H2BC4: variants seen among roughly 807,000 people sequenced by gnomAD.
H2BC4 encodes histone H2B type 1-C/E/F/G/I.
H2BC4 carries 10 observed loss-of-function variants against 6.2 expected under a neutral mutation model. The ratio of observed to expected loss-of-function variants is 1.61; its 90% confidence interval spans 0.99 to 2.73. The LOEUF is 2.73. Ranked by LOEUF, H2BC4 falls within the 30% of genes most tolerant of loss-of-function variation. The pLI, the probability that H2BC4 is intolerant of heterozygous loss-of-function variation, is 0.00. For missense variants in H2BC4, 176 were observed against 168.7 expected (o/e 1.04, Z -0.24); for synonymous variants, 146 against 70.7 (o/e 2.07, Z -5.35).
intron 1 of H2BC4, among the ~76,000 whole-genome samples, chr6:26,115,557 T>C (rs1199547723): frequency 2.0e-5 from 3 of 152,154 alleles, no homozygotes; most frequent in Admixed American, 6.6e-5. Flanking sequence ...GAAAAAGACT[T>C]AGTGTTTTTC....
chr6:26,122,502 C>T (rs978804626), downstream of H2BC4, among the ~76,000 whole-genome samples: 1 of 152,054 alleles, frequency 6.6e-6, no homozygotes, highest in Non-Finnish European at 1.5e-5. Context: ...GTGGAATTTC[C>T]CAGGCCACAA....
At chr6:26,120,624 T>A (rs1763485498), downstream of H2BC4, among the ~76,000 whole-genome samples, 1 of 152,206 alleles carries the variant, frequency 6.6e-6, no homozygotes, top group Non-Finnish European at 1.5e-5. Context: ...GTGGCACCAC[T>A]GCTGAGAATA....
chr6:26,123,461 G>A, downstream of H2BC4: 2 of 1,592,166 alleles, frequency 1.3e-6, no homozygotes, highest in African/African-American at 1.4e-5. Context: ...TCTTTTAGTG[G>A]GTATCTGGGT....
Position 26,123,509 on chromosome 6 carries a change from G to A in H2BC4, c.*15C>T. The A allele has an allele frequency of 6.2e-7, 1 of 1,614,206 alleles. No individual in the cohort carries two copies. The highest frequency in any genetic ancestry group is 8.5e-7 in the Non-Finnish European group (1 of 1,180,028). ...AGCCTTTGGGGTTAGGTGTTAAGACGCTTACTTGGAATGTTTACTTGGAGC... is the reference window on the plus strand; with the variant it reads ...AGCCTTTGGGGTTAGGTGTTAAGACACTTACTTGGAATGTTTACTTGGAGC... On this transcript the variant is annotated 3_prime_UTR_variant, in exon 1 of 1. Transcript: ENST00000396984.
downstream of H2BC4, chr6:26,123,409 T>A: frequency 2.6e-6 from 4 of 1,519,632 alleles, no homozygotes; most frequent in Non-Finnish European, 3.5e-6. Context: ...TATATTCTAA[T>A]ACCCCTCCGC....
rs746163282 is a variant in H2BC4 at position 26,123,770 on chromosome 6, C to T, written c.135G>A (p.Val45=). 2 of 1,614,266 alleles carry T rather than the reference C, an allele frequency of 1.2e-6. No homozygotes were observed. Among genetic ancestry groups the T allele is most frequent in the Non-Finnish European group, 1.7e-6 (2 of 1,180,046 alleles). ...KESYSVYVYK[V]LKQVHPDTGI... Reference sequence around the variant, plus strand: ...CAGTGTCGGGATGGACCTGTTTCAGCACCTTGTACACGTACACAGAGTAAC... The same window carrying T: ...CAGTGTCGGGATGGACCTGTTTCAGTACCTTGTACACGTACACAGAGTAAC... The change falls in exon 1 of 1, where the codon GTG becomes GTA. Residue 45 remains valine (V), a synonymous_variant. Coordinates refer to ENST00000396984, the MANE Select transcript of H2BC4 (RefSeq NM_003526.3).
At chr6:26,114,341 T>A (rs901963239), downstream of H2BC4, among the ~76,000 whole-genome samples, 6 of 152,096 alleles carry the variant, frequency 3.9e-5, no homozygotes, top group Admixed American at 1.3e-4. Context: ...ACAAGAAACA[T>A]GGGAAGAATG....
chr6:26,114,940 T>G (rs1424561979), exon 2 of H2BC4: 1 of 152,146 alleles, frequency 6.6e-6, no homozygotes, highest in East Asian at 1.9e-4. Flanking sequence ...TGAAGAATAT[T>G]TTAATAGTTT....
chr6:26,123,062 A>G (rs1057267560), downstream of H2BC4, among the ~76,000 whole-genome samples: 5 of 152,166 alleles, frequency 3.3e-5, no homozygotes, highest in African/African-American at 1.2e-4. Context: ...CCGGTCCGCT[A>G]TGTAAATCAG....
At chr6:26,117,773 T>C (rs1269792726) in intron 1 of H2BC4, among the ~76,000 whole-genome samples, 1 of 152,208 alleles carries the variant, frequency 6.6e-6, no homozygotes, top group Non-Finnish European at 1.5e-5. Context: ...AGATGATTTA[T>C]AAAATAGAAA....
At chr6:26,117,967 G>A (rs1391788291) in intron 1 of H2BC4, among the ~76,000 whole-genome samples, 1 of 152,162 alleles carries the variant, frequency 6.6e-6, no homozygotes, top group Non-Finnish European at 1.5e-5. Flanking sequence ...TGGCTGTGCA[G>A]CACTATGGCT....
Position 26,123,920 on chromosome 6 carries a change from A to G in H2BC4, c.-16T>C, listed in dbSNP as rs374002450. ...GCTCAGGCATCTTAAAACACCAGAA[A>G]TGTGTCGAAAGTAAAGAGCGGATTT... On this transcript the variant is annotated 5_prime_UTR_variant, in exon 1 of 1. Transcript: ENST00000396984. 9.9e-6 allele frequency: 16 copies of G among 1,610,674 alleles called. No individual in the cohort carries two copies. Among genetic ancestry groups the G allele is most frequent in the East Asian group, 4.5e-5 (2 of 44,866 alleles).
downstream of H2BC4, among the ~76,000 whole-genome samples, chr6:26,120,070 A>T (rs1162638556): frequency 6.6e-6 from 1 of 152,164 alleles, no homozygotes; most frequent in Non-Finnish European, 1.5e-5. Context: ...AAATTGATGT[A>T]TTTTAAGTCT....
At position 26,123,620 on chromosome 6, in the gene H2BC4, G is replaced by T; in HGVS notation, c.285C>A (p.Ile95=). 5.6e-6 allele frequency: 9 copies of T among 1,614,270 alleles called. No individual in the cohort carries two copies. The highest frequency in any genetic ancestry group is 5.9e-6 in the Non-Finnish European group (7 of 1,180,050). The change falls in exon 1 of 1, where the codon ATC becomes ATA. Residue 95 remains isoleucine (I), a synonymous_variant. Transcript: ENST00000396984. ...NKRSTITSRE[I]QTAVRLLLPG... ...GAAGCAGCAGGCGCACGGCCGTCTG[G>T]ATCTCCCTGGAGGTGATGGTCGAGC...
At chr6:26,121,584 T>G (rs148523581), downstream of H2BC4, among the ~76,000 whole-genome samples, 42 of 152,126 alleles carry the variant, frequency 2.8e-4, no homozygotes, top group East Asian at 7.7e-3. Flanking sequence ...AATAGAATTA[T>G]TTCATCTAAC....
downstream of H2BC4, among the ~76,000 whole-genome samples, chr6:26,122,436 C>A (rs1252570886): frequency 6.6e-6 from 1 of 152,070 alleles, no homozygotes; most frequent in Non-Finnish European, 1.5e-5. Context: ...TACGTCTAAC[C>A]CTTCATCTTA....
At chr6:26,114,178 T>G (rs1418401381), downstream of H2BC4, among the ~76,000 whole-genome samples, 1 of 152,304 alleles carries the variant, frequency 6.6e-6, no homozygotes, top group South Asian at 2.1e-4. Context: ...CAGTTTAGTA[T>G]CCCTTCAGAG....
rs755403121 is a variant in H2BC4 at position 26,123,901 on chromosome 6, G to T, written c.4C>A (p.Pro2Thr). 6 of 1,613,330 alleles carry T rather than the reference G, an allele frequency of 3.7e-6. No homozygotes were observed. The South Asian group carries it at 4.4e-5, about 12-fold the overall frequency. Residue 2 changes from proline (P) to threonine (T), a missense_variant, in exon 1 of 1, where the codon CCT (proline) becomes ACT (threonine). Physicochemically the swap from Pro to Thr is conservative, Grantham distance 38 (BLOSUM62 -1). Coordinates refer to ENST00000396984, the MANE Select transcript of H2BC4 (RefSeq NM_003526.3). The stretch of plus-strand genomic sequence containing the variant: ...GCGGGAGCAGACTTGGCTGGCTCAG[G>T]CATCTTAAAACACCAGAAATGTGTC... M[P>T]EPAKSAPAPK... is the part of the protein sequence containing the mutation.
Position 26,123,884 on chromosome 6 carries a change from A to C in H2BC4, c.21T>G (p.Ser7=). 6.2e-7 allele frequency: 1 copy of C among 1,614,048 alleles called. No homozygotes were observed. Among genetic ancestry groups the C allele is most frequent in the Non-Finnish European group, 8.5e-7 (1 of 1,180,004 alleles). The change falls in exon 1 of 1, where the codon TCT becomes TCG. Residue 7 remains serine (S), a synonymous_variant. Coordinates refer to ENST00000396984, the MANE Select transcript of H2BC4 (RefSeq NM_003526.3). The stretch of plus-strand genomic sequence containing the variant: ...TGGAGCCCTTCTTCGGGGCGGGAGC[A>C]GACTTGGCTGGCTCAGGCATCTTAA... MPEPAK[S]APAPKKGSKK...
Sources: allele counts gnomAD v4.1 joint callset (sites outside exome capture counted in the v4.1 genomes callset), GRCh38; gene constraint gnomAD v4.1.1; transcripts MANE v1.5; gene names NCBI Gene and HGNC (gene_info 2026-07-23, HGNC 2026-07-21).